PLS3: variants seen among roughly 807,000 people sequenced by gnomAD.
PLS3 encodes the protein plastin 3.
A neutral mutation model predicts 46.5 loss-of-function variants in PLS3; 11 were observed. That is an observed-to-expected ratio of 0.24 (90% CI 0.15 to 0.39). The LOEUF is 0.39. Among genes scored for constraint, PLS3 ranks in the 10% least tolerant of loss-of-function variants. The pLI is 1.00. For synonymous variants in PLS3, 167 were observed against 162.2 expected (o/e 1.03, Z -0.22); for missense variants, 308 against 461.8 (o/e 0.67, Z 3.05).
chrX:115,620,818 C>T (rs781838327), intron 2 of PLS3, among the ~76,000 whole-genome samples: 1 of 101,742 alleles, frequency 9.8e-6, no homozygotes, highest in Non-Finnish European at 2.0e-5. Flanking sequence ...CTCAGCCTCC[C>T]GAGTAGGTGG....
At chrX:115,646,363 A>G (rs1346323272) in intron 12 of PLS3, 39 bp from the exon 13 acceptor site, 5 of 1,192,551 alleles carry the variant, frequency 4.2e-6, no homozygotes, top group Non-Finnish European at 5.7e-6. Context: ...AGATTAAACA[A>G]ATGGAAGTCT....
At chrX:115,595,753 G>A (rs192570249) in intron 1 of PLS3, among the ~76,000 whole-genome samples, 2,707 of 94,021 alleles carry the variant, frequency 0.029, 128 homozygotes, top group African/African-American at 0.11. Context: ...GCAGTGGCAC[G>A]ATCTTGGCTC....
At chrX:115,618,085 C>G (rs1556637062) in intron 2 of PLS3, among the ~76,000 whole-genome samples, 1 of 111,394 alleles carries the variant, frequency 9.0e-6, no homozygotes, top group Non-Finnish European at 1.9e-5. Flanking sequence ...AGCCACCAGT[C>G]CCAGCCACCA....
intron 2 of PLS3, among the ~76,000 whole-genome samples, chrX:115,618,193 T>G (rs781943233): frequency 8.9e-6 from 1 of 112,144 alleles, no homozygotes; most frequent in African/African-American, 3.2e-5. Context: ...TTCTCCCACA[T>G]CTAATTTAAA....
At chrX:115,617,269 T>C (rs2074606907) in intron 2 of PLS3, among the ~76,000 whole-genome samples, 1 of 111,862 alleles carries the variant, frequency 8.9e-6, no homozygotes, top group South Asian at 3.8e-4. Context: ...TCACTGGTGG[T>C]CCACTTGGGC....
Sources: gnomAD v4.1 joint callset for allele counts (sites outside exome capture counted in the v4.1 genomes callset) on GRCh38, gnomAD v4.1.1 for gene constraint, MANE v1.5 for transcripts, NCBI Gene and HGNC (gene_info 2026-07-23, HGNC 2026-07-21) for gene names.